Variants in CAMTA1 observed in about 807,000 individuals in gnomAD.
CAMTA1 encodes calmodulin binding transcription activator 1, also known as calmodulin-binding transcription activator 1.
Under a neutral mutation model 170.9 loss-of-function variants are expected in CAMTA1, and 27 were observed. The observed-to-expected ratio is 0.16, with a 90% confidence interval of 0.12 to 0.22. The LOEUF is 0.22. Among genes scored for constraint, CAMTA1 ranks in the 10% least tolerant of loss-of-function variants. The pLI, the probability that CAMTA1 is intolerant of heterozygous loss-of-function variation, is 1.00. For missense variants in CAMTA1, 1,619 were observed against 2,217.2 expected (o/e 0.73, Z 5.42); for synonymous variants, 833 against 891.5 (o/e 0.93, Z 1.17).
chr1:7,419,322 A>AT (rs1233305296), intron 5 of CAMTA1, among the ~76,000 whole-genome samples: 3 of 151,960 alleles, frequency 2.0e-5, no homozygotes, highest in Admixed American at 6.6e-5. Flanking sequence ...TTCCTGGCTA[A>AT]TTTTTTGTAT....
At chr1:7,120,164 C>T (rs1341231380) in intron 4 of CAMTA1, among the ~76,000 whole-genome samples, 1 of 152,152 alleles carries the variant, frequency 6.6e-6, no homozygotes, top group African/African-American at 2.4e-5. Flanking sequence ...AACAAATTAC[C>T]CCACACTGAG....
At chr1:7,602,276 A>G (rs1283796396) in intron 6 of CAMTA1, among the ~76,000 whole-genome samples, 2 of 150,748 alleles carry the variant, frequency 1.3e-5, no homozygotes, top group Non-Finnish European at 2.9e-5. Context: ...CTGTGAATCC[A>G]TCTGGTCCTG....
chr1:7,713,833 ATTG>A (rs922509443), intron 11 of CAMTA1, among the ~76,000 whole-genome samples: 1 of 152,180 alleles, frequency 6.6e-6, no homozygotes, highest in Admixed American at 6.5e-5. Context: ...AAGCGCAAGA[ATTG>A]TTGTTAAGGG....
chr1:7,148,431 C>A (rs892661213), intron 4 of CAMTA1, among the ~76,000 whole-genome samples: 10 of 152,088 alleles, frequency 6.6e-5, no homozygotes, highest in Non-Finnish European at 1.5e-4. Flanking sequence ...CCCCTCCCCC[C>A]CCGCCACGCT....
intron 6 of CAMTA1, among the ~76,000 whole-genome samples, chr1:7,598,132 G>A (rs1268755567): frequency 7.4e-6 from 1 of 134,838 alleles, no homozygotes; most frequent in Non-Finnish European, 1.5e-5. Context: ...TCCCCTTCCT[G>A]TGTCCATGTG....
chr1:6,935,706 G>A (rs1418346414), intron 3 of CAMTA1, among the ~76,000 whole-genome samples: 2 of 152,218 alleles, frequency 1.3e-5, no homozygotes, highest in Non-Finnish European at 2.9e-5. Flanking sequence ...ACTTTTCCGT[G>A]GTTTTCTTGA....
chr1:6,997,035 C>A (rs1284610655), intron 3 of CAMTA1, among the ~76,000 whole-genome samples: 1 of 152,054 alleles, frequency 6.6e-6, no homozygotes, highest in Non-Finnish European at 1.5e-5. Context: ...GCAAGCGAAC[C>A]TTTTGTTGGT....
At position 7,089,532 on chromosome 1, in the gene CAMTA1, CCCCATCCCATCCCATCCCATCCCAT is replaced by C. The variant is rs3058551; in HGVS notation, c.235-1739_235-1715del. Among the ~76,000 whole-genome samples the C allele has an allele frequency of 6.5e-3, 773 of 119,400 alleles. 9 individuals carry two copies. Among genetic ancestry groups the C allele is most frequent in the Non-Finnish European group, 0.011 (641 of 56,302 alleles). The allele number at this position is 119,400 out of a possible 152,430, so 78.3% of individuals were successfully genotyped here. The stretch of plus-strand genomic sequence containing the variant: ...CTTCTGCCATGCACGTTTTTCCTAG[CCCCATCCCATCCCATCCCATCCCAT>C]CCCATCCCATCCCATCCCATCCCAT... On this transcript the variant is annotated intron_variant, in intron 3 of 22. Transcript: ENST00000303635.
At chr1:7,220,576 T>C (rs990318741) in intron 4 of CAMTA1, among the ~76,000 whole-genome samples, 3 of 152,072 alleles carry the variant, frequency 2.0e-5, no homozygotes, top group African/African-American at 7.2e-5. Context: ...TGCCACCCTG[T>C]CTTCTCTTGT....
At chr1:7,411,174 C>T (rs2090707335) in intron 5 of CAMTA1, among the ~76,000 whole-genome samples, 1 of 152,120 alleles carries the variant, frequency 6.6e-6, no homozygotes, top group African/African-American at 2.4e-5. Flanking sequence ...AACAGGTCCT[C>T]ACACTCTTTC....
At chr1:7,364,344 C>T (rs2085797291) in intron 5 of CAMTA1, among the ~76,000 whole-genome samples, 1 of 152,152 alleles carries the variant, frequency 6.6e-6, no homozygotes, top group South Asian at 2.1e-4. Context: ...AAGATCAAGA[C>T]ACCAGCAGAT....
Position 7,738,547 on chromosome 1 carries a change from G to T in CAMTA1, c.4182+65G>T. ...CGTTCCAGTTGCTGTGATCTTTATG[G>T]TCCATTTCCGAAGGTTGTGTCATTT... On this transcript the variant is annotated intron_variant, in intron 16 of 22. Coordinates refer to ENST00000303635, the MANE Select transcript of CAMTA1 (RefSeq NM_015215.4). This position sits in a 1 kb window ranked among gnomAD's most constrained non-coding sequence, Gnocchi z 4.9. 6.6e-7 allele frequency: 1 copy of T among 1,525,548 alleles called. No homozygotes were observed. 94.5% of individuals were successfully genotyped at this position (1,525,548 alleles called of 1,614,324 possible). A position where few individuals can be genotyped will look rare whatever the true frequency, so the allele number is the denominator to read the frequency against.
intron 6 of CAMTA1, among the ~76,000 whole-genome samples, chr1:7,605,839 A>C (rs2095481991): frequency 6.6e-6 from 1 of 152,142 alleles, no homozygotes; most frequent in Non-Finnish European, 1.5e-5. Flanking sequence ...CCCCCAATTT[A>C]AATATTAATC....
chr1:7,646,080 G>A (rs999538771), intron 7 of CAMTA1, among the ~76,000 whole-genome samples: 4 of 151,580 alleles, frequency 2.6e-5, no homozygotes, highest in Admixed American at 1.3e-4. Flanking sequence ...GGTGAATTGG[G>A]TGGAGGCCAT....
chr1:6,798,772 A>ATT (rs111786116), intron 1 of CAMTA1, among the ~76,000 whole-genome samples: 7,629 of 116,686 alleles, frequency 0.065, 18 homozygotes, highest in East Asian at 0.1. Flanking sequence ...AATTTTTTGT[A>ATT]TTTTTAGTAG....
At chr1:7,490,375 G>GCTCATT (rs2093683973) in intron 6 of CAMTA1, among the ~76,000 whole-genome samples, 2 of 152,228 alleles carry the variant, frequency 1.3e-5, no homozygotes, top group South Asian at 4.1e-4. Flanking sequence ...TGATTGGCCG[G>GCTCATT]GCGCGATGGC....
At chr1:7,720,375 T>C (rs2096641721) in intron 11 of CAMTA1, among the ~76,000 whole-genome samples, 2 of 152,048 alleles carry the variant, frequency 1.3e-5, no homozygotes, top group Admixed American at 6.6e-5. Flanking sequence ...GTGGTTTTTT[T>C]TGTTTGTTTG....
rs974737311 is a variant in CAMTA1, at chr1:7,516,089, G to A, written c.510+48188G>A. Among the ~76,000 whole-genome samples the A allele has an allele frequency of 4.9e-4, 75 of 152,288 alleles. 2 individuals are homozygous for A. Among genetic ancestry groups the A allele is most frequent in the Admixed American group, 4.6e-3 (71 of 15,302 alleles). ...GGGCAGGAGAACCTACCCCACTCCC[G>A]CCTCCATCAGCAAGCCTCCCAGCCG... On this transcript the variant is annotated intron_variant, in intron 6 of 22. Coordinates refer to ENST00000303635, the MANE Select transcript of CAMTA1 (RefSeq NM_015215.4).
chr1:6,978,855 C>T (rs1693935619), intron 3 of CAMTA1, among the ~76,000 whole-genome samples: 1 of 152,106 alleles, frequency 6.6e-6, no homozygotes, highest in East Asian at 1.9e-4. Context: ...GGATACAGAG[C>T]TGAGCAGGAC....
Sources: allele counts gnomAD v4.1 joint callset (sites outside exome capture counted in the v4.1 genomes callset), GRCh38; gene constraint gnomAD v4.1.1; non-coding constraint Gnocchi (gnomAD v3.1); transcripts MANE v1.5; gene names NCBI Gene and HGNC (gene_info 2026-07-23, HGNC 2026-07-21).